The following RBFOX1 variants were observed in gnomAD, a reference collection of about 807,000 sequenced individuals.
RBFOX1 encodes RNA binding protein fox-1 homolog 1.
Under a neutral mutation model 57.7 loss-of-function variants are expected in RBFOX1, and 8 were observed. The observed-to-expected ratio is 0.14, with a 90% CI of 0.08 to 0.25. RBFOX1 has a LOEUF of 0.25. RBFOX1 is among the 10% of genes least tolerant of loss of function. The probability of loss-of-function intolerance (pLI) is 1.00; values close to 1 mark genes in which losing one functional copy is unlikely to be tolerated. For missense variants in RBFOX1, 611 were observed against 548.5 expected (o/e 1.11, Z -1.14); for synonymous variants, 326 against 222.4 (o/e 1.47, Z -4.15).
intron 3 of RBFOX1, among the ~76,000 whole-genome samples, chr16:6,973,523 C>G (rs1235774171): frequency 6.6e-6 from 1 of 152,188 alleles, no homozygotes; most frequent in Admixed American, 6.5e-5. Context: ...AGGAGAAGCT[C>G]AACGTTGATT....
At chr16:6,116,377 C>T (rs1305762540) in intron 1 of RBFOX1, among the ~76,000 whole-genome samples, 1 of 152,112 alleles carries the variant, frequency 6.6e-6, no homozygotes, top group Non-Finnish European at 1.5e-5. Context: ...TCTGACAAAC[C>T]TGCACATTCT....
At chr16:5,577,317 C>T (rs1224440406) in intron 2 of RBFOX1, among the ~76,000 whole-genome samples, 1 of 152,192 alleles carries the variant, frequency 6.6e-6, no homozygotes, top group African/African-American at 2.4e-5. Flanking sequence ...TGGGATCAAG[C>T]TCTTCCTTCA....
At chr16:7,083,707 A>G (rs192989225) in intron 4 of RBFOX1, among the ~76,000 whole-genome samples, 1 of 151,926 alleles carries the variant, frequency 6.6e-6, no homozygotes, top group African/African-American at 2.4e-5. Flanking sequence ...CAGCTATTTC[A>G]CTCCTTTCCC....
At chr16:6,346,877 T>A (rs971233621) in intron 2 of RBFOX1, among the ~76,000 whole-genome samples, 1 of 152,068 alleles carries the variant, frequency 6.6e-6, no homozygotes, top group Non-Finnish European at 1.5e-5. Context: ...TTTAACTGAA[T>A]TATGGGAGAG....
chr16:7,615,283 A>T (rs1165398370), intron 10 of RBFOX1, among the ~76,000 whole-genome samples: 3 of 152,144 alleles, frequency 2.0e-5, no homozygotes, highest in Non-Finnish European at 4.4e-5. Context: ...CAGTGAGCTG[A>T]GATCGTGCCA....
At chr16:5,809,807 C>G (rs1379115436) in intron 3 of RBFOX1, among the ~76,000 whole-genome samples, 1 of 152,122 alleles carries the variant, frequency 6.6e-6, no homozygotes, top group Admixed American at 6.5e-5. Context: ...CCATTTGACC[C>G]AGCCATCCCA....
chr16:5,244,795 G>A (rs1043935213), intron 1 of RBFOX1, among the ~76,000 whole-genome samples: 3 of 152,234 alleles, frequency 2.0e-5, no homozygotes, highest in African/African-American at 7.2e-5. Context: ...GGTCCTTTGA[G>A]AAGGAAGAAG....
At chr16:6,916,517 C>G (rs1034158610) in intron 3 of RBFOX1, among the ~76,000 whole-genome samples, 1 of 151,566 alleles carries the variant, frequency 6.6e-6, no homozygotes, top group Non-Finnish European at 1.5e-5. Flanking sequence ...CATTCTACGA[C>G]CATCTCCAGG....
chr16:7,557,254 T>C (rs1212234574), intron 5 of RBFOX1, among the ~76,000 whole-genome samples: 1 of 152,112 alleles, frequency 6.6e-6, no homozygotes, highest in Non-Finnish European at 1.5e-5. Context: ...AGCACAGCTT[T>C]ATTGCCAAAG....
intron 3 of RBFOX1, among the ~76,000 whole-genome samples, chr16:7,038,266 G>C (rs921306861): frequency 6.6e-6 from 1 of 152,120 alleles, no homozygotes; most frequent in Non-Finnish European, 1.5e-5. Context: ...AGTATTGCTT[G>C]AATTTTCTTA....
At chr16:5,986,390 T>C (rs2060286665) in intron 4 of RBFOX1, among the ~76,000 whole-genome samples, 2 of 152,336 alleles carry the variant, frequency 1.3e-5, no homozygotes, top group African/African-American at 2.4e-5. Flanking sequence ...GAGTCAATTG[T>C]ACATTCACAG....
intron 2 of RBFOX1, among the ~76,000 whole-genome samples, chr16:6,593,685 T>A (rs2097746722): frequency 6.6e-6 from 1 of 152,188 alleles, no homozygotes; most frequent in Non-Finnish European, 1.5e-5. Context: ...AAAGGTGAAT[T>A]GTTTGAAGGA....
At chr16:7,258,564 C>T (rs2094790312) in intron 4 of RBFOX1, among the ~76,000 whole-genome samples, 1 of 152,080 alleles carries the variant, frequency 6.6e-6, no homozygotes. Flanking sequence ...ACTGGCACAT[C>T]TGTAATTTAC....
chr16:5,552,679 C>G (rs951873115), intron 2 of RBFOX1, among the ~76,000 whole-genome samples: 3 of 152,172 alleles, frequency 2.0e-5, no homozygotes, highest in Non-Finnish European at 4.4e-5. Context: ...TTGAGAAACT[C>G]TATTCTGCCA....
At chr16:6,877,981 C>T (rs561879337) in intron 3 of RBFOX1, among the ~76,000 whole-genome samples, 7 of 151,972 alleles carry the variant, frequency 4.6e-5, no homozygotes, top group Admixed American at 2.6e-4. Flanking sequence ...TTCAGAGAGC[C>T]GAGTCATTGT....
intron 3 of RBFOX1, among the ~76,000 whole-genome samples, chr16:6,719,516 C>G (rs1159711967): frequency 1.3e-5 from 2 of 151,704 alleles, no homozygotes; most frequent in African/African-American, 4.8e-5. Flanking sequence ...TCTTGGCTCA[C>G]TGTTAGCTCC....
chr16:6,604,481 T>G (rs9933668), intron 2 of RBFOX1, among the ~76,000 whole-genome samples: 1 of 151,786 alleles, frequency 6.6e-6, no homozygotes, highest in African/African-American at 2.4e-5. Context: ...TCTGTAATTT[T>G]TAGTGGCACA....
At chr16:5,876,898 C>T (rs1470078863) in intron 4 of RBFOX1, among the ~76,000 whole-genome samples, 2 of 152,146 alleles carry the variant, frequency 1.3e-5, no homozygotes, top group African/African-American at 4.8e-5. Flanking sequence ...GACTCAGCCA[C>T]AGTGGTGGGG....
chr16:7,698,861 T>TG (rs2079673705), intron 14 of RBFOX1, among the ~76,000 whole-genome samples: 1 of 152,188 alleles, frequency 6.6e-6, no homozygotes, highest in Non-Finnish European at 1.5e-5. Context: ...CTGCATGCAA[T>TG]AACAATACCC....
Sources: gnomAD v4.1 joint callset for allele counts (sites outside exome capture counted in the v4.1 genomes callset) on GRCh38, gnomAD v4.1.1 for gene constraint, MANE v1.5 for transcripts, NCBI Gene and HGNC (gene_info 2026-07-23, HGNC 2026-07-21) for gene names.